The following GSK3B variants were observed in gnomAD, a reference collection of about 807,000 sequenced individuals.
GSK3B encodes glycogen synthase kinase-3 beta.
GSK3B carries 15 observed loss-of-function variants against 56.4 expected under a neutral mutation model. The ratio of observed to expected loss-of-function variants is 0.27; its 90% CI spans 0.18 to 0.41. The LOEUF (loss-of-function observed/expected upper bound fraction) is 0.41. Among genes scored for constraint, GSK3B ranks in the 10% least tolerant of loss-of-function variants. The pLI, the probability that GSK3B is intolerant of heterozygous loss-of-function variation, is 1.00. For synonymous variants in GSK3B, 181 were observed against 188.9 expected (o/e 0.96, Z 0.34); for missense variants, 300 against 513.4 (o/e 0.58, Z 4.02).
chr3:120,074,637 T>C (rs937138401), intron 1 of GSK3B, among the ~76,000 whole-genome samples: 3 of 152,066 alleles, frequency 2.0e-5, no homozygotes, highest in African/African-American at 7.2e-5. Context: ...TTACGAACAA[T>C]TACATGCCAA....
chr3:119,836,861 C>T (rs1228502877), intron 10 of GSK3B, among the ~76,000 whole-genome samples: 2 of 152,162 alleles, frequency 1.3e-5, no homozygotes, highest in African/African-American at 2.4e-5. Context: ...GTAGGCTCTG[C>T]CTTGTCCTCT....
intron 1 of GSK3B, chr3:120,029,850 A>T: frequency 1.8e-6 from 1 of 551,288 alleles, no homozygotes; most frequent in South Asian, 1.4e-5. Context: ...CCCCCAAAAA[A>T]GGAGGTGGCT....
chr3:120,080,783 T>C (rs928389235), intron 1 of GSK3B, among the ~76,000 whole-genome samples: 5 of 150,642 alleles, frequency 3.3e-5, no homozygotes, highest in Non-Finnish European at 7.4e-5. Context: ...GTGAGCCAAA[T>C]CACGCCACTG....
At chr3:119,876,748 C>G (rs2056319146) in intron 7 of GSK3B, among the ~76,000 whole-genome samples, 9 of 152,144 alleles carry the variant, frequency 5.9e-5, no homozygotes, top group Admixed American at 5.9e-4. Flanking sequence ...GGTAATGGCT[C>G]TGCCCTTGTG....
chr3:119,905,454 C>T (rs895807586), intron 7 of GSK3B, among the ~76,000 whole-genome samples: 1 of 152,074 alleles, frequency 6.6e-6, no homozygotes, highest in African/African-American at 2.4e-5. Context: ...AGCTTACATA[C>T]ATTTTAGTGA....
chr3:119,941,073 T>C (rs1309454999), intron 3 of GSK3B, among the ~76,000 whole-genome samples: 2 of 150,906 alleles, frequency 1.3e-5, no homozygotes, highest in Non-Finnish European at 2.9e-5. Context: ...TGGAGTGCAA[T>C]GGCTCGATCT....
intron 6 of GSK3B, among the ~76,000 whole-genome samples, chr3:119,908,553 G>A (rs541474591): frequency 6.6e-6 from 1 of 152,200 alleles, no homozygotes; most frequent in South Asian, 2.1e-4. Flanking sequence ...CTCAAACCCA[G>A]GTCGACCACA....
chr3:119,873,068 C>A (rs950987767), intron 8 of GSK3B, among the ~76,000 whole-genome samples: 1 of 152,140 alleles, frequency 6.6e-6, no homozygotes, highest in African/African-American at 2.4e-5. Context: ...CAATAATAAT[C>A]CTTGTTTCAG....
chr3:119,947,089 C>A (rs1227531352), intron 3 of GSK3B, among the ~76,000 whole-genome samples, 179 bp downstream of exon 3: 1 of 152,050 alleles, frequency 6.6e-6, no homozygotes, highest in Non-Finnish European at 1.5e-5. Context: ...CTTACTAATG[C>A]TTTCCTGATA....
At chr3:119,832,491 G>A (rs979876741) in intron 10 of GSK3B, among the ~76,000 whole-genome samples, 1 of 152,210 alleles carries the variant, frequency 6.6e-6, no homozygotes, top group African/African-American at 2.4e-5. Context: ...TGCAGAAATA[G>A]ATAACACACA....
At chr3:119,856,510 AAT>A (rs2056025222) in intron 9 of GSK3B, among the ~76,000 whole-genome samples, 1 of 152,174 alleles carries the variant, frequency 6.6e-6, no homozygotes, top group South Asian at 2.1e-4. Flanking sequence ...TCTTATATAA[AAT>A]AGATAATTTA....
intron 10 of GSK3B, among the ~76,000 whole-genome samples, chr3:119,833,293 G>T (rs994821258): frequency 7.2e-5 from 11 of 152,128 alleles, no homozygotes; most frequent in Non-Finnish European, 2.9e-5. Flanking sequence ...GTTGGGAGGA[G>T]AAGACAGAAA....
At chr3:120,075,930 GAA>G (rs998485048) in intron 1 of GSK3B, among the ~76,000 whole-genome samples, 1 of 147,636 alleles carries the variant, frequency 6.8e-6, no homozygotes, top group African/African-American at 2.5e-5. Flanking sequence ...CAATTCTGAG[GAA>G]AAAAAAAAGT....
At chr3:119,871,379 C>G (rs1230782455) in intron 8 of GSK3B, among the ~76,000 whole-genome samples, 2 of 152,142 alleles carry the variant, frequency 1.3e-5, no homozygotes, top group Non-Finnish European at 2.9e-5. Context: ...TATGGTCATA[C>G]AAAAGCTACA....
chr3:120,026,554 A>C (rs28520921), intron 1 of GSK3B, among the ~76,000 whole-genome samples: 533 of 64,286 alleles, frequency 8.3e-3, no homozygotes, highest in Middle Eastern at 0.021. Context: ...CACACACACA[A>C]ACACACACAC....
intron 8 of GSK3B, among the ~76,000 whole-genome samples, chr3:119,868,893 C>A (rs921269230): frequency 3.3e-5 from 5 of 151,854 alleles, no homozygotes; most frequent in African/African-American, 1.2e-4. Context: ...ATTTGTAAAC[C>A]TAAACATAGG....
At chr3:119,953,853 C>T (rs948407415) in intron 2 of GSK3B, among the ~76,000 whole-genome samples, 1 of 152,142 alleles carries the variant, frequency 6.6e-6, no homozygotes, top group African/African-American at 2.4e-5. Flanking sequence ...GAGGCCATCA[C>T]CAATCTCTCC....
At chr3:119,955,398 C>T (rs961597221) in intron 2 of GSK3B, among the ~76,000 whole-genome samples, 4 of 151,996 alleles carry the variant, frequency 2.6e-5, no homozygotes, top group African/African-American at 7.3e-5. Context: ...AACTGGGGGC[C>T]CTGAGAATAC....
intron 7 of GSK3B, among the ~76,000 whole-genome samples, chr3:119,901,589 TG>T (rs547978119): frequency 1.6e-3 from 246 of 152,308 alleles, no homozygotes; most frequent in African/African-American, 5.7e-3. Flanking sequence ...TTACTCATGC[TG>T]TAAATTACTG....
Sources: gnomAD v4.1 joint callset for allele counts (sites outside exome capture counted in the v4.1 genomes callset) on GRCh38, gnomAD v4.1.1 for gene constraint, MANE v1.5 for transcripts, NCBI Gene and HGNC (gene_info 2026-07-23, HGNC 2026-07-21) for gene names.